The following HECW2 variants were observed in gnomAD, a reference collection of about 807,000 sequenced individuals.
HECW2 encodes HECT, C2 and WW domain containing E3 ubiquitin protein ligase 2.
A neutral mutation model predicts 175.2 loss-of-function variants in HECW2; 61 were observed. The ratio of observed to expected loss-of-function variants is 0.35; its 90% CI spans 0.28 to 0.43. The LOEUF is 0.43. HECW2 is among the 20% of genes least tolerant of loss of function. The pLI is 1.00. For missense variants in HECW2, 1,524 were observed against 2,000.5 expected, an observed-to-expected ratio of 0.76 and a Z score of 4.54; for synonymous variants, 671 against 731.0, an observed-to-expected ratio of 0.92 and a Z score of 1.32.
intron 1 of HECW2, among the ~76,000 whole-genome samples, chr2:196,530,926 A>G (rs1453441099): frequency 1.3e-5 from 2 of 152,210 alleles, no homozygotes; most frequent in East Asian, 3.9e-4. Context: ...TCCTCTTACC[A>G]TGAGTTCTCG....
intron 1 of HECW2, among the ~76,000 whole-genome samples, chr2:196,537,705 G>A (rs1321393759): frequency 6.6e-6 from 1 of 152,142 alleles, no homozygotes; most frequent in African/African-American, 2.4e-5. Flanking sequence ...ATGGTTAAGG[G>A]AACAAATTAA....
At chr2:196,578,384 A>G (rs1336134118) in intron 1 of HECW2, among the ~76,000 whole-genome samples, 2 of 152,166 alleles carry the variant, frequency 1.3e-5, no homozygotes, top group African/African-American at 4.8e-5. Context: ...AACACCCACA[A>G]GCAAAGCAAC....
chr2:196,319,672 G>C lies in HECW2; in HGVS notation c.1218C>G (p.Thr406=), dbSNP rs1054252186. The change falls in exon 9 of 29, where the codon ACC becomes ACG. Residue 406 remains threonine, a synonymous_variant. Coordinates refer to ENST00000644978, the MANE Select transcript of HECW2 (RefSeq NM_001348768.2). ...AATCCTGACGTCCTCTGGGAGGTGA[G>C]GTCCTTGAAGACGTAGAGGTTAATT... ...TEELTSTSSR[T]SPPRGRQDSL... is the part of the protein sequence containing the mutation. 1 of 1,614,102 alleles carries C rather than the reference G, an allele frequency of 6.2e-7. No individual in the cohort carries two copies.
chr2:196,361,838 T>C lies in HECW2; in HGVS notation c.293-18074A>G, dbSNP rs139429035. The C allele has an allele frequency of 3.0e-6, 3 of 985,278 alleles. No individual in the cohort carries two copies. The East Asian group carries it at 3.4e-4, about 112-fold the overall frequency. The allele number at this position is 985,278 out of a possible 1,614,324, so 61.0% of individuals were successfully genotyped here. A position where few individuals can be genotyped will look rare whatever the true frequency, so the allele number is the denominator to read the frequency against. ...TCATATAATCCCAAAGGTTTTAAAA[T>C]CCATCAGTCAAATGAGACTTAGGCA... On this transcript the variant is annotated intron_variant, in intron 2 of 28. Transcript: ENST00000644978.
At chr2:196,425,199 A>G (rs1695509005) in intron 2 of HECW2, among the ~76,000 whole-genome samples, 1 of 145,298 alleles carries the variant, frequency 6.9e-6, no homozygotes, top group Non-Finnish European at 1.5e-5. Context: ...GAATATTTTA[A>G]GGCCACTATT....
chr2:196,330,851 A>G (rs1012051613), intron 4 of HECW2, among the ~76,000 whole-genome samples: 6 of 152,138 alleles, frequency 3.9e-5, no homozygotes, highest in African/African-American at 1.4e-4. Context: ...AGCCAATTCT[A>G]TATTGAGTTC....
chr2:196,221,652 C>A (rs928802948), intron 24 of HECW2, among the ~76,000 whole-genome samples: 3 of 152,140 alleles, frequency 2.0e-5, no homozygotes, highest in South Asian at 2.1e-4. Flanking sequence ...CTCAACCTCT[C>A]CAGCTCAGGT....
intron 1 of HECW2, among the ~76,000 whole-genome samples, chr2:196,444,420 T>C (rs1186650624): frequency 6.6e-6 from 1 of 152,212 alleles, no homozygotes; most frequent in Non-Finnish European, 1.5e-5. Flanking sequence ...TAACTACAAA[T>C]TCTAGCAATT....
intron 1 of HECW2, among the ~76,000 whole-genome samples, chr2:196,504,365 T>C (rs190137919): frequency 6.6e-6 from 1 of 150,878 alleles, no homozygotes; most frequent in Non-Finnish European, 1.5e-5. Context: ...CGGGACCCTG[T>C]TATGCCCAAC....
At chr2:196,266,467 T>A (rs1689523178) in intron 17 of HECW2, among the ~76,000 whole-genome samples, 1 of 152,194 alleles carries the variant, frequency 6.6e-6, no homozygotes, top group South Asian at 2.1e-4. Context: ...ACAGCAAAGA[T>A]CAGAAGTTTG....
At chr2:196,363,125 C>A (rs2105887781) in intron 2 of HECW2, among the ~76,000 whole-genome samples, 1 of 152,212 alleles carries the variant, frequency 6.6e-6, no homozygotes, top group East Asian at 1.9e-4. Context: ...ATCACCATCA[C>A]CCTGTCCAGG....
chr2:196,522,105 T>A (rs1232174726), intron 1 of HECW2, among the ~76,000 whole-genome samples: 1 of 152,206 alleles, frequency 6.6e-6, no homozygotes, highest in African/African-American at 2.4e-5. Flanking sequence ...ACCAACAGTG[T>A]AAAAGTGTTC....
chr2:196,398,398 A>T (rs1363077706), intron 2 of HECW2, among the ~76,000 whole-genome samples: 1 of 152,262 alleles, frequency 6.6e-6, no homozygotes, highest in Non-Finnish European at 1.5e-5. Context: ...CCATTACTAC[A>T]GGTCTTTTCA....
intron 19 of HECW2, chr2:196,242,682 CTTTTTTTTTTTTTTT>C (rs1157719695): frequency 1.2e-5 from 1 of 86,690 alleles, no homozygotes; most frequent in African/African-American, 4.9e-5. Flanking sequence ...CCTCATGAAA[CTTTTTTTTTTTTTTT>C]TTTTTTTTTT....
At chr2:196,585,697 A>G (rs1165754320) in intron 1 of HECW2, among the ~76,000 whole-genome samples, 1 of 152,120 alleles carries the variant, frequency 6.6e-6, no homozygotes, top group African/African-American at 2.4e-5. Context: ...AAGGAGAAAG[A>G]GAAGAGAGGA....
intron 9 of HECW2, 44 bp from the exon 10 acceptor site, chr2:196,317,413 C>T: frequency 7.2e-7 from 1 of 1,382,612 alleles, no homozygotes; most frequent in South Asian, 1.2e-5. Flanking sequence ...TTTTCTCTTT[C>T]AGTATCAAAA....
chr2:196,292,847 A>G lies in HECW2; in HGVS notation c.2815-97T>C, dbSNP rs142062509. The G allele has an allele frequency of 7.8e-6, 7 of 901,368 alleles. No individual in the cohort carries two copies. The African/African-American group carries it at 1.2e-4, about 15-fold the overall frequency. The allele number at this position is 901,368 out of a possible 1,614,324, so 55.8% of individuals were successfully genotyped here. On this transcript the variant is annotated intron_variant, in intron 13 of 28. Coordinates refer to ENST00000644978, the MANE Select transcript of HECW2 (RefSeq NM_001348768.2). ...GGTATGGCTAATCTTCCAATAAGTA[A>G]TGAAATGCATATATAAGCTTTGACA... is the stretch of plus-strand genomic sequence containing the variant.
intron 1 of HECW2, among the ~76,000 whole-genome samples, chr2:196,497,400 C>A (rs1322607075): frequency 6.6e-6 from 1 of 152,140 alleles, no homozygotes; most frequent in Non-Finnish European, 1.5e-5. Context: ...TATTGTAGTT[C>A]CTAGGCTATT....
chr2:196,556,933 T>TA (rs1446762427), intron 1 of HECW2, among the ~76,000 whole-genome samples: 2 of 152,162 alleles, frequency 1.3e-5, no homozygotes, highest in Non-Finnish European at 2.9e-5. Flanking sequence ...CCTTAAAAAT[T>TA]AGAGATTTCT....
Sources: gnomAD v4.1 joint callset for allele counts (sites outside exome capture counted in the v4.1 genomes callset) on GRCh38, gnomAD v4.1.1 for gene constraint, MANE v1.5 for transcripts, NCBI Gene and HGNC (gene_info 2026-07-23, HGNC 2026-07-21) for gene names.